Variants in RSRC1 observed in about 807,000 individuals in gnomAD.
RSRC1 encodes arginine and serine rich coiled-coil 1.
Under a neutral mutation model 49.1 loss-of-function variants are expected in RSRC1, and 39 were observed. That is an observed-to-expected ratio of 0.79 (90% CI 0.61 to 1.04). The LOEUF is 1.04. RSRC1 is among the 50% of genes least tolerant of loss of function. RSRC1 has a pLI of 0.00. For missense variants in RSRC1, 388 were observed against 402.4 expected, an observed-to-expected ratio of 0.96 and a Z score of 0.31; for synonymous variants, 143 against 130.8, an observed-to-expected ratio of 1.09 and a Z score of -0.63.
At chr3:158,491,314 C>A (rs1739074064) in intron 7 of RSRC1, among the ~76,000 whole-genome samples, 1 of 152,122 alleles carries the variant, frequency 6.6e-6, no homozygotes, top group African/African-American at 2.4e-5. Flanking sequence ...CATGTGGATC[C>A]CTAGTGATCA....
chr3:158,256,669 A>G lies in RSRC1; in HGVS notation c.495-41370A>G, dbSNP rs1341447782. 5.9e-5 allele frequency among the ~76,000 whole-genome samples: 9 copies of G among 152,224 alleles called. No individual in the cohort carries two copies. In the East Asian group the frequency reaches 1.7e-3, roughly 29 times the overall value. On this transcript the variant is annotated intron_variant, in intron 4 of 9. Transcript: ENST00000611884. ...GGTACCAGCTACTCTTTGTACCTCT[A>G]GTAGAATTCGGCTGTGAATCCATCT...
At chr3:158,175,607 G>T (rs1158367409) in intron 3 of RSRC1, among the ~76,000 whole-genome samples, 5 of 151,974 alleles carry the variant, frequency 3.3e-5, no homozygotes, top group African/African-American at 1.2e-4. Flanking sequence ...GGTTCATATG[G>T]ATTCTCTATT....
At chr3:158,321,395 A>T (rs1234819237) in intron 5 of RSRC1, among the ~76,000 whole-genome samples, 2 of 151,552 alleles carry the variant, frequency 1.3e-5, no homozygotes, top group East Asian at 3.9e-4. Context: ...GATTTGATGT[A>T]TATTCTAAAA....
intron 5 of RSRC1, among the ~76,000 whole-genome samples, chr3:158,319,797 C>T (rs372040118): frequency 6.6e-5 from 10 of 152,060 alleles, no homozygotes; most frequent in African/African-American, 1.9e-4. Context: ...TTTCTCTTCC[C>T]GTATGATTGG....
rs1339414499 is a variant in RSRC1 at position 158,539,355 on chromosome 3, T to C, written c.759+2157T>C. ...ACATTGTGTCTCCTGCAACACATAT[T>C]GATTTAACTAGTTTTACTCTCTGAA... On this transcript the variant is annotated intron_variant, in intron 8 of 9. Transcript: ENST00000611884. This position sits in a 1 kb window ranked among gnomAD's most constrained non-coding sequence, Gnocchi z 4.1. Among the ~76,000 whole-genome samples, 1 of 152,118 alleles carries C rather than the reference T, an allele frequency of 6.6e-6. No homozygotes were observed. Among genetic ancestry groups the C allele is most frequent in the Admixed American group, 6.6e-5 (1 of 15,256 alleles).
At chr3:158,489,260 A>G (rs1738963727) in intron 7 of RSRC1, among the ~76,000 whole-genome samples, 1 of 152,194 alleles carries the variant, frequency 6.6e-6, no homozygotes, top group African/African-American at 2.4e-5. Flanking sequence ...CTTTGATTTA[A>G]TTTCATTTTC....
At position 158,237,714 on chromosome 3, in the gene RSRC1, A is replaced by G. The variant is rs866875901; in HGVS notation, c.494+34469A>G. 7.2e-5 allele frequency among the ~76,000 whole-genome samples: 11 copies of G among 152,008 alleles called. No individual in the cohort carries two copies. In the South Asian group the frequency reaches 8.3e-4, roughly 11 times the overall value. On this transcript the variant is annotated intron_variant, in intron 4 of 9. Transcript: ENST00000611884. The stretch of plus-strand genomic sequence containing the variant: ...CTTAAGGAGATTTTGGGCTGAGTCA[A>G]TGGGGTTTTCTAAATATACAGTCAT...
intron 7 of RSRC1, among the ~76,000 whole-genome samples, chr3:158,506,509 A>G (rs1275958410): frequency 6.6e-6 from 1 of 152,100 alleles, no homozygotes; most frequent in African/African-American, 2.4e-5. Flanking sequence ...AAACAAGCAA[A>G]ACACCAGAAT....
At chr3:158,222,630 A>ACG in intron 4 of RSRC1, among the ~76,000 whole-genome samples, 1 of 151,676 alleles carries the variant, frequency 6.6e-6, no homozygotes, top group South Asian at 2.1e-4. Context: ...TTATATTTCC[A>ACG]AACCAGTAAC....
intron 5 of RSRC1, among the ~76,000 whole-genome samples, chr3:158,331,340 A>C (rs768691838): frequency 6.6e-6 from 1 of 152,208 alleles, no homozygotes; most frequent in Admixed American, 6.5e-5. Context: ...TGAGTTTCTT[A>C]TGCTTTTTTG....
intron 6 of RSRC1, among the ~76,000 whole-genome samples, chr3:158,433,428 A>G (rs750820769): frequency 1.3e-5 from 2 of 151,970 alleles, no homozygotes; most frequent in African/African-American, 2.4e-5. Context: ...CTACAGTACA[A>G]TGCTTCTCAA....
At chr3:158,463,452 A>G (rs1737722685) in intron 7 of RSRC1, among the ~76,000 whole-genome samples, 1 of 152,104 alleles carries the variant, frequency 6.6e-6, no homozygotes, top group South Asian at 2.1e-4. Flanking sequence ...ATAGTTCTGT[A>G]TCTGAAAGAA....
intron 4 of RSRC1, among the ~76,000 whole-genome samples, chr3:158,273,511 G>A (rs369029614): frequency 1.3e-5 from 2 of 151,862 alleles, no homozygotes; most frequent in African/African-American, 4.8e-5. Context: ...TGGAACTCAC[G>A]GATAAATTAT....
chr3:158,368,814 A>G (rs919089056), intron 6 of RSRC1, among the ~76,000 whole-genome samples: 8 of 152,198 alleles, frequency 5.3e-5, no homozygotes, highest in African/African-American at 1.9e-4. Context: ...AGCCATTAAA[A>G]TATCTGTACT....
intron 5 of RSRC1, among the ~76,000 whole-genome samples, chr3:158,338,124 T>C (rs535551332): frequency 2.6e-5 from 4 of 152,314 alleles, no homozygotes; most frequent in East Asian, 3.9e-4. Context: ...TTCACCTTTA[T>C]AGTTTAACAT....
intron 3 of RSRC1, among the ~76,000 whole-genome samples, chr3:158,154,105 A>T (rs527583124): frequency 2.6e-5 from 4 of 152,186 alleles, no homozygotes; most frequent in Non-Finnish European, 1.5e-5. Context: ...AAGTCATATG[A>T]ATTTTTTTGT....
At chr3:158,300,243 A>T (rs1156441761) in intron 5 of RSRC1, among the ~76,000 whole-genome samples, 2 of 152,174 alleles carry the variant, frequency 1.3e-5, no homozygotes, top group African/African-American at 2.4e-5. Context: ...TAAGAAGCAG[A>T]TGATTTGAAT....
intron 3 of RSRC1, among the ~76,000 whole-genome samples, chr3:158,201,690 A>T (rs935911418): frequency 1.3e-5 from 2 of 151,838 alleles, no homozygotes; most frequent in Non-Finnish European, 2.9e-5. Context: ...CAATTACAGA[A>T]TTTTTTTTCG....
chr3:158,300,793 C>T (rs1014404414), intron 5 of RSRC1, among the ~76,000 whole-genome samples: 3 of 152,040 alleles, frequency 2.0e-5, no homozygotes, highest in Non-Finnish European at 2.9e-5. Flanking sequence ...GAGCATTGTT[C>T]TAAGGGGGTA....
Sources: gnomAD v4.1 joint callset for allele counts (sites outside exome capture counted in the v4.1 genomes callset) on GRCh38, gnomAD v4.1.1 for gene constraint, Gnocchi (gnomAD v3.1) non-coding constraint, MANE v1.5 for transcripts, NCBI Gene and HGNC (gene_info 2026-07-23, HGNC 2026-07-21) for gene names.